Variants in MXRA5 observed in about 807,000 individuals in gnomAD.
MXRA5 encodes the protein matrix remodeling associated 5.
In MXRA5, 41 loss-of-function variants were observed where a neutral mutation model predicts 112.5. The ratio of observed to expected loss-of-function variants is 0.36; its 90% CI spans 0.28 to 0.47. The LOEUF (loss-of-function observed/expected upper bound fraction) is 0.47, where lower values mean the gene tolerates loss of function less well. Ranked by LOEUF, MXRA5 falls within the 20% of genes least tolerant of loss-of-function variation. MXRA5 has a pLI of 0.99. For missense variants in MXRA5, 2,150 were observed against 2,251.0 expected (o/e 0.96, Z 0.91); for synonymous variants, 862 against 900.8 (o/e 0.96, Z 0.77).
intron 4 of MXRA5, among the ~76,000 whole-genome samples, chrX:3,328,595 G>C (rs1231824153): frequency 9.0e-6 from 1 of 111,113 alleles, no homozygotes; most frequent in African/African-American, 3.3e-5. Flanking sequence ...GGGGACACTT[G>C]TTTAGAATGC....
Position 3,343,769 on chromosome X carries a change from C to T in MXRA5, c.65G>A (p.Arg22Gln). The change falls in exon 2 of 7, where the codon CGA (arginine) becomes CAA (glutamine). Residue 22 changes from arginine (R) to glutamine (Q), a missense_variant. Arg to Gln is a conservative substitution (Grantham distance 43). Coordinates refer to ENST00000217939, the MANE Select transcript of MXRA5 (RefSeq NM_015419.4). ...AGGATGCGGGCAGGCCAGCGCCACT[C>T]GCGGATGGCCCCAAAGCAGGATCAG... ...VVLILLWGHP[R>Q]VALACPHPCA... 1 of 1,211,233 alleles carries T rather than the reference C, an allele frequency of 8.3e-7. No homozygotes were observed. Among genetic ancestry groups the T allele is most frequent in the Non-Finnish European group, 1.1e-6 (1 of 895,321 alleles).
At position 3,320,974 on chromosome X, in the gene MXRA5, A is replaced by G. The variant is rs1569182962; in HGVS notation, c.4711T>C (p.Ser1571Pro). 8.3e-7 allele frequency: 1 copy of G among 1,211,947 alleles called. No individual in the cohort carries two copies. Among genetic ancestry groups the G allele is most frequent in the Non-Finnish European group, 1.1e-6 (1 of 895,523 alleles). Reference protein sequence around the residue: ...PSSDQDAFNLSTKLELEKQVF... With the variant: ...PSSDQDAFNLPTKLELEKQVF... ...TGCTTTTCCAATTCCAGCTTTGTAG[A>G]CAAGTTAAATGCATCCTGGTCGGAA... is the stretch of plus-strand genomic sequence containing the variant. The change falls in exon 5 of 7, where the codon TCT becomes CCT. Residue 1571 changes from serine to proline, a missense_variant. Ser to Pro is a moderately conservative substitution (Grantham distance 74). This residue lies in a region of MXRA5 where 1,485 missense variants were observed against 1,471.6 expected (regional missense o/e 1.01). Coordinates refer to ENST00000217939, the MANE Select transcript of MXRA5 (RefSeq NM_015419.4).
Position 3,323,204 on chromosome X carries a change from G to T in MXRA5, c.2481C>A (p.Pro827=), listed in dbSNP as rs778392427. ...VTPPFPAISP[P]SASPVQTVTS... is the part of the protein sequence containing the mutation. Reference sequence around the variant, plus strand: ...TTACTGTCTGCACAGGAGATGCTGAGGGGGGAGAAATAGCAGGAAAAGGTG... The same window carrying T: ...TTACTGTCTGCACAGGAGATGCTGATGGGGGAGAAATAGCAGGAAAAGGTG... Residue 827 remains proline (P), a synonymous_variant, in exon 5 of 7, where the codon CCC becomes CCA. Transcript: ENST00000217939. 8.3e-7 allele frequency: 1 copy of T among 1,211,355 alleles called. No homozygotes were observed.
chrX:3,330,676 C>G lies in MXRA5; in HGVS notation c.286G>C (p.Asp96His). Residue 96 changes from aspartate to histidine, a missense_variant, in exon 3 of 7, where the codon GAT becomes CAT. By Grantham distance (81) the Asp-to-His change is moderately conservative. This residue lies in a region of MXRA5 where 386 missense variants were observed against 411.0 expected (regional missense o/e 0.94). Transcript: ENST00000217939. Reference protein sequence around the residue: ...IHGNEIPSIPDGALRDLSSLQ... With the variant: ...IHGNEIPSIPHGALRDLSSLQ... The stretch of plus-strand genomic sequence containing the variant: ...GAGCTGAGGTCTCTTAAAGCTCCAT[C>G]GGGGATGCTTGGGATCTCATTGCCG... 1 of 1,209,466 alleles carries G rather than the reference C, an allele frequency of 8.3e-7. No homozygotes were observed. Among genetic ancestry groups the G allele is most frequent in the Non-Finnish European group, 1.1e-6 (1 of 894,287 alleles).
intron 4 of MXRA5, among the ~76,000 whole-genome samples, chrX:3,326,266 T>C (rs1188279387): frequency 1.0e-4 from 1 of 9,543 alleles, no homozygotes; most frequent in Non-Finnish European, 3.1e-4. Context: ...GGTAACTATA[T>C]CTATATTTAT....
rs777385266 is a variant in MXRA5, at chrX:3,345,490, G to A, written c.-29+1025C>T. ...TCCCCAGCGTCCTGTGCCTGCGGGCGGACTTGGCCCGGGCGTTCCATAGGA... is the reference window on the plus strand; with the variant it reads ...TCCCCAGCGTCCTGTGCCTGCGGGCAGACTTGGCCCGGGCGTTCCATAGGA... On this transcript the variant is annotated intron_variant, in intron 1 of 6. Coordinates refer to ENST00000217939, the MANE Select transcript of MXRA5 (RefSeq NM_015419.4). 3.2e-3 allele frequency among the ~76,000 whole-genome samples: 363 copies of A among 112,999 alleles called. 1 individual carries two copies. The highest frequency in any genetic ancestry group is 5.8e-3 in the Non-Finnish European group (309 of 53,295).
Position 3,317,588 on chromosome X carries a change from G to A in MXRA5, c.6093C>T (p.Ala2031=), listed in dbSNP as rs780385533. 1.7e-6 allele frequency: 2 copies of A among 1,210,639 alleles called. No homozygotes were observed. The highest frequency in any genetic ancestry group is 2.2e-6 in the Non-Finnish European group (2 of 895,151). ...GVYKCVASNA[A]GADSLAIRLH... The stretch of plus-strand genomic sequence containing the variant: ...GGCGGATGGCCAGGCTGTCCGCCCC[G>A]GCTGCATTGCTGGCCACGCACTTAT... The change falls in exon 6 of 7, where the codon GCC becomes GCT. Residue 2031 remains alanine, a synonymous_variant. Transcript: ENST00000217939.
intron 5 of MXRA5, 132 bp from the exon 6 acceptor site, chrX:3,318,135 GT>G: frequency 4.1e-6 from 2 of 489,623 alleles, no homozygotes; most frequent in Middle Eastern, 6.1e-4. Flanking sequence ...TAGGTAGAAT[GT>G]TTTAGTGTTT....
chrX:3,313,451 G>A (rs1921019447), intron 6 of MXRA5, among the ~76,000 whole-genome samples: 1 of 111,408 alleles, frequency 9.0e-6, no homozygotes, highest in South Asian at 3.8e-4. Context: ...GTAGAGACGG[G>A]GTTTCACCAT....
chrX:3,318,148 T>C (rs764659936), intron 5 of MXRA5, 145 bp from the exon 6 acceptor site: 1 of 467,238 alleles, frequency 2.1e-6, no homozygotes, highest in Non-Finnish European at 3.4e-6. Context: ...TTAGTGTTTT[T>C]AAAAGTTTTT....
Position 3,319,973 on chromosome X carries a change from CAA to C in MXRA5, c.5677+33_5677+34del, listed in dbSNP as rs113639501. ...GCTAGCCAATAAAATAAAAATTGAC[CAA>C]AAAAAAAAAAAGTAGATGCTTAAAC... On this transcript the variant is annotated intron_variant, in intron 5 of 6. Coordinates refer to ENST00000217939, the MANE Select transcript of MXRA5 (RefSeq NM_015419.4). 4.9e-3 allele frequency: 4,228 copies of C among 865,782 alleles called. 69 individuals carry two copies. In the African/African-American group the frequency reaches 0.065, roughly 13 times the overall value. The allele number at this position is 865,782 out of a possible 1,213,427, so 71.4% of individuals were successfully genotyped here.
At chrX:3,338,392 G>C (rs1921830260) in intron 2 of MXRA5, among the ~76,000 whole-genome samples, 2 of 110,039 alleles carry the variant, frequency 1.8e-5, no homozygotes, top group Admixed American at 1.9e-4. Context: ...TAGATAGACA[G>C]ATAGATAGAT....
rs769179179 is a variant in MXRA5 at position 3,324,176 on chromosome X, C to G, written c.1509G>C (p.Val503=). 1 of 1,211,558 alleles carries G rather than the reference C, an allele frequency of 8.3e-7. No individual in the cohort carries two copies. The highest frequency in any genetic ancestry group is 2.2e-5 in the Admixed American group (1 of 45,947). The part of the protein sequence containing the change: ...EGGPCQLSCN[V]KASESPSIFW... ...AGATAGATGGACTCTCAGAAGCTTT[C>G]ACGTTGCAGCTCAACTGGCATGGAC... Residue 503 remains valine (V), a synonymous_variant, in exon 5 of 7, where the codon GTG becomes GTC. Coordinates refer to ENST00000217939, the MANE Select transcript of MXRA5 (RefSeq NM_015419.4).
At chrX:3,327,619 C>A (rs12558452) in intron 4 of MXRA5, among the ~76,000 whole-genome samples, 1,409 of 112,560 alleles carry the variant, frequency 0.013, 58 homozygotes, top group Admixed American at 0.12. Context: ...CAGATGTCCC[C>A]TGGCACCCAA....
chrX:3,313,551 C>A (rs764617384), intron 6 of MXRA5, among the ~76,000 whole-genome samples: 62 of 112,602 alleles, frequency 5.5e-4, no homozygotes, highest in Non-Finnish European at 1.1e-3. Context: ...TGAGCCACTG[C>A]GCCTGGCTCA....
At position 3,320,756 on chromosome X, in the gene MXRA5, G is replaced by A. The variant is rs375262438; in HGVS notation, c.4929C>T (p.Thr1643=). 21 of 1,210,242 alleles carry A rather than the reference G, an allele frequency of 1.7e-5. No individual in the cohort carries two copies. The highest frequency in any genetic ancestry group is 2.3e-5 in the Non-Finnish European group (21 of 895,211). ...GATATGTAGTTATTTCCGGTTTGTTGGTCCAGTGACGAGGTGACTGGGAAG... is the reference window on the plus strand; with the variant it reads ...GATATGTAGTTATTTCCGGTTTGTTAGTCCAGTGACGAGGTGACTGGGAAG... ...FVTSQSPRHW[T]NKPEITTYPS... The change falls in exon 5 of 7, where the codon ACC becomes ACT. Residue 1643 remains threonine (T), a synonymous_variant. Coordinates refer to ENST00000217939, the MANE Select transcript of MXRA5 (RefSeq NM_015419.4).
In MXRA5 at chrX:3,317,501, G is replaced by T; in HGVS notation, c.6180C>A (p.Pro2060=). ...AGTGAATGTGAATGCTGAGCCCCGG[G>T]GGCAGCGAGATGTTCTCCAGCTTCT... ...HQEKLENISL[P]PGLSIHIHCT... is the part of the protein sequence containing the mutation. The change falls in exon 6 of 7, where the codon CCC becomes CCA. Residue 2060 remains proline (P), a synonymous_variant. Coordinates refer to ENST00000217939, the MANE Select transcript of MXRA5 (RefSeq NM_015419.4). 8.3e-7 allele frequency: 1 copy of T among 1,198,306 alleles called. No individual in the cohort carries two copies. Among genetic ancestry groups the T allele is most frequent in the South Asian group, 1.8e-5 (1 of 55,255 alleles).
intron 1 of MXRA5, among the ~76,000 whole-genome samples, chrX:3,345,100 C>T (rs1472898817): frequency 5.4e-5 from 6 of 111,489 alleles, no homozygotes; most frequent in African/African-American, 2.0e-4. Flanking sequence ...GCCATTGCAC[C>T]CCAGCCTGGG....
rs752299122 is a variant in MXRA5 at position 3,311,174 on chromosome X, T to C, written c.7029A>G (p.Thr2343=). The change falls in exon 7 of 7, where the codon ACA becomes ACG. Residue 2343 remains threonine (T), a synonymous_variant. Coordinates refer to ENST00000217939, the MANE Select transcript of MXRA5 (RefSeq NM_015419.4). ...DEMRVRVKVV[T]APATIRNKTY... ...TCTTGTTCCGGATGGTGGCGGGCGC[T>C]GTCACCACCTTGACTCTGACTCTCA... The C allele has an allele frequency of 1.7e-6, 2 of 1,211,788 alleles. No homozygotes were observed. The highest frequency in any genetic ancestry group is 2.2e-6 in the Non-Finnish European group (2 of 895,529).
Sources: allele counts gnomAD v4.1 joint callset (sites outside exome capture counted in the v4.1 genomes callset), GRCh38; gene constraint gnomAD v4.1.1; regional missense constraint gnomAD v4.1.1; transcripts MANE v1.5; gene names NCBI Gene and HGNC (gene_info 2026-07-23, HGNC 2026-07-21).